Variants in RNF7 observed in about 807,000 individuals in gnomAD.
The protein encoded by RNF7 is RING-box protein 2.
In RNF7, 9 loss-of-function variants were observed where a neutral mutation model predicts 17.0. That is an observed-to-expected ratio of 0.53 (90% CI 0.32 to 0.92). RNF7 has a LOEUF of 0.92. RNF7 is among the 40% of genes least tolerant of loss of function. The pLI, the probability that RNF7 is intolerant of heterozygous loss-of-function variation, is 0.04. For missense variants in RNF7, 87 were observed against 145.8 expected (o/e 0.60, Z 2.08); for synonymous variants, 59 against 50.5 (o/e 1.17, Z -0.72).
In RNF7 at chr3:141,746,580, A is replaced by C. The variant is rs1334907550; in HGVS notation, c.*1303A>C. 6.6e-6 allele frequency: 1 copy of C among 152,170 alleles called. No individual in the cohort carries two copies. Among genetic ancestry groups the C allele is most frequent in the East Asian group, 1.9e-4 (1 of 5,194 alleles). The allele number at this position is 152,170 out of a possible 1,614,324, so 9.4% of individuals were successfully genotyped here. A position where few individuals can be genotyped will look rare whatever the true frequency, so the allele number is the denominator to read the frequency against. Reference sequence around the variant, plus strand: ...AACTTTATCAAACTGATTCACACTGAGGGGAGGTTATTTTGTAACAAATAA... The same window carrying C: ...AACTTTATCAAACTGATTCACACTGCGGGGAGGTTATTTTGTAACAAATAA... On this transcript the variant is annotated 3_prime_UTR_variant, in exon 3 of 3. Transcript: ENST00000273480.
At position 141,738,631 on chromosome 3, in the gene RNF7, G is replaced by C. The variant is rs988094331; in HGVS notation, c.175+115G>C. On this transcript the variant is annotated intron_variant, in intron 1 of 2. Transcript: ENST00000273480. Reference sequence around the variant, plus strand: ...CGGAAAGTGCCCTGCCTGGGAGAGTGGGTGGAGGTCGCCCTGCCCCGGCGC... The same window carrying C: ...CGGAAAGTGCCCTGCCTGGGAGAGTCGGTGGAGGTCGCCCTGCCCCGGCGC... 4.4e-5 allele frequency: 50 copies of C among 1,127,132 alleles called. No individual in the cohort carries two copies. In the East Asian group the frequency reaches 1.4e-3, roughly 32 times the overall value. The allele number at this position is 1,127,132 out of a possible 1,614,324, so 69.8% of individuals were successfully genotyped here. A position where few individuals can be genotyped will look rare whatever the true frequency, so the allele number is the denominator to read the frequency against.
At chr3:141,742,428 A>C (rs998366749) in intron 1 of RNF7, among the ~76,000 whole-genome samples, 2 of 151,212 alleles carry the variant, frequency 1.3e-5, no homozygotes, top group African/African-American at 4.9e-5. Context: ...GGGTTTCACC[A>C]TGTTAGCCAG....
rs192030940 is a variant in RNF7, at chr3:141,742,160, C to G, written c.176-1349C>G. ...TCCACCTTCCACCCTCCAAAAGGCC[C>G]CAGTGTGTGTTGTTCCCTGCTATGT... On this transcript the variant is annotated intron_variant, in intron 1 of 2. Coordinates refer to ENST00000273480, the MANE Select transcript of RNF7 (RefSeq NM_014245.5). Among the ~76,000 whole-genome samples, 444 of 151,956 alleles carry G rather than the reference C, an allele frequency of 2.9e-3. 2 individuals are homozygous for G. The highest frequency in any genetic ancestry group is 0.01 in the African/African-American group (422 of 41,446).
intron 1 of RNF7, among the ~76,000 whole-genome samples, chr3:141,741,986 CT>C (rs535821532): frequency 1.4e-4 from 21 of 147,032 alleles, no homozygotes; most frequent in Non-Finnish European, 9.0e-5. Flanking sequence ...TTCTTTCTTT[CT>C]TTTTTTTTTT....
chr3:141,742,827 T>G, intron 1 of RNF7: 2 of 1,175,900 alleles, frequency 1.7e-6, no homozygotes, highest in South Asian at 3.2e-5. Context: ...AGCAGTTTAT[T>G]TTAGAGGAAC....
At chr3:141,744,217 A>G (rs979554899) in intron 2 of RNF7, among the ~76,000 whole-genome samples, 1 of 152,198 alleles carries the variant, frequency 6.6e-6, no homozygotes, top group African/African-American at 2.4e-5. Flanking sequence ...TGGTGTACAT[A>G]GAACTTCTTA....
At chr3:141,740,961 C>T (rs1311820600) in intron 1 of RNF7, among the ~76,000 whole-genome samples, 1 of 152,184 alleles carries the variant, frequency 6.6e-6, no homozygotes, top group Admixed American at 6.5e-5. Flanking sequence ...GGATAACACT[C>T]TCTTCGTTTC....
chr3:141,738,605 T>C, intron 1 of RNF7, 89 bp downstream of exon 1: 2 of 1,356,704 alleles, frequency 1.5e-6, no homozygotes, highest in Non-Finnish European at 2.0e-6. Context: ...GTCAGAAGCC[T>C]CGGAAAGTGC....
In RNF7 at chr3:141,745,358, A is replaced by G. The variant is rs569277536; in HGVS notation, c.*81A>G. The G allele has an allele frequency of 2.1e-5, 17 of 813,700 alleles. No homozygotes were observed. The African/African-American group carries it at 2.9e-4, about 14-fold the overall frequency. The allele number at this position is 813,700 out of a possible 1,614,324, so 50.4% of individuals were successfully genotyped here. A position where few individuals can be genotyped will look rare whatever the true frequency, so the allele number is the denominator to read the frequency against. Reference sequence around the variant, plus strand: ...TCCAGTGCCCTACAAAGGCTAGAACACTACAGGGGATGAATTCTTCAAATA... The same window carrying G: ...TCCAGTGCCCTACAAAGGCTAGAACGCTACAGGGGATGAATTCTTCAAATA... On this transcript the variant is annotated 3_prime_UTR_variant, in exon 3 of 3. Coordinates refer to ENST00000273480, the MANE Select transcript of RNF7 (RefSeq NM_014245.5).
intron 1 of RNF7, among the ~76,000 whole-genome samples, chr3:141,740,126 A>G (rs75171144): frequency 0.15 from 22,947 of 151,362 alleles, 1,913 homozygotes; most frequent in African/African-American, 0.2. Flanking sequence ...TAGGAATCAT[A>G]ATTTCTAGTT....
rs959059545 is a variant in RNF7 at position 141,746,076 on chromosome 3, A to C, written c.*799A>C. 6.6e-6 allele frequency: 1 copy of C among 151,332 alleles called. No individual in the cohort carries two copies. The highest frequency in any genetic ancestry group is 1.5e-5 in the Non-Finnish European group (1 of 67,986). 9.4% of individuals were successfully genotyped at this position (151,332 alleles called of 1,614,324 possible). A position where few individuals can be genotyped will look rare whatever the true frequency, so the allele number is the denominator to read the frequency against. On this transcript the variant is annotated 3_prime_UTR_variant, in exon 3 of 3. Coordinates refer to ENST00000273480, the MANE Select transcript of RNF7 (RefSeq NM_014245.5). ...ACTGCAACCTCCGCCTCCCGGGTTC[A>C]AGTGATTCTCCTGCCTCAGCCTCCC...
intron 1 of RNF7, among the ~76,000 whole-genome samples, chr3:141,742,346 C>T (rs2084428141): frequency 6.6e-6 from 1 of 151,630 alleles, no homozygotes; most frequent in Non-Finnish European, 1.5e-5. Context: ...CCTGCCTCAG[C>T]CTCCCGAGTA....
chr3:141,745,357 C>A lies in RNF7; in HGVS notation c.*80C>A. 1 of 871,252 alleles carries A rather than the reference C, an allele frequency of 1.1e-6. No homozygotes were observed. Among genetic ancestry groups the A allele is most frequent in the Non-Finnish European group, 1.9e-6 (1 of 533,934 alleles). 54.0% of individuals were successfully genotyped at this position (871,252 alleles called of 1,614,324 possible). ...ATCCAGTGCCCTACAAAGGCTAGAA[C>A]ACTACAGGGGATGAATTCTTCAAAT... On this transcript the variant is annotated 3_prime_UTR_variant, in exon 3 of 3. Transcript: ENST00000273480.
At position 141,738,509 on chromosome 3, in the gene RNF7, G is replaced by A; in HGVS notation, c.168G>A (p.Gln56=). The A allele has an allele frequency of 6.2e-7, 1 of 1,612,920 alleles. No homozygotes were observed. Residue 56 remains glutamine (Q), a synonymous_variant, in exon 1 of 3, where the codon CAG becomes CAA. Coordinates refer to ENST00000273480, the MANE Select transcript of RNF7 (RefSeq NM_014245.5). The stretch of plus-strand genomic sequence containing the variant: ...ATACGTGCGCCATCTGCAGGGTCCA[G>A]GTGATGGGTAAGCGCTGCACGCGAG... ...ECDTCAICRV[Q]VMDACLRCQA...
intron 2 of RNF7, among the ~76,000 whole-genome samples, chr3:141,744,027 A>C (rs1252451802): frequency 6.6e-6 from 1 of 152,194 alleles, no homozygotes; most frequent in African/African-American, 2.4e-5. Context: ...TTTTCTTTAG[A>C]GTCTTAGACT....
chr3:141,739,172 A>G (rs2084389539), intron 1 of RNF7, among the ~76,000 whole-genome samples: 1 of 152,168 alleles, frequency 6.6e-6, no homozygotes, highest in South Asian at 2.1e-4. Flanking sequence ...GTGGTTCAAG[A>G]ATATCTAAGT....
rs746306815 is a variant in RNF7 at position 141,738,337 on chromosome 3, C to T, written c.-5C>T. On this transcript the variant is annotated 5_prime_UTR_variant, in exon 1 of 3. Transcript: ENST00000273480. ...CGTCTCCGCCGTCGGCTCCGCGGCG[C>T]CGCCATGGCCGACGTGGAAGACGGA... 9 of 1,559,914 alleles carry T rather than the reference C, an allele frequency of 5.8e-6. No individual in the cohort carries two copies. In the South Asian group the frequency reaches 9.4e-5, roughly 16 times the overall value.
chr3:141,742,110 C>T (rs1010411966), intron 1 of RNF7, among the ~76,000 whole-genome samples: 1 of 151,620 alleles, frequency 6.6e-6, no homozygotes, highest in Non-Finnish European at 1.5e-5. Context: ...AGCCTAGTAC[C>T]CATTAGTTAT....
rs1370540675 is a variant in RNF7, at chr3:141,745,954, G to C, written c.*677G>C. The C allele has an allele frequency of 1.3e-5, 2 of 151,280 alleles. No homozygotes were observed. Among genetic ancestry groups the C allele is most frequent in the Non-Finnish European group, 2.9e-5 (2 of 67,904 alleles). The allele number at this position is 151,280 out of a possible 1,614,324, so 9.4% of individuals were successfully genotyped here. On this transcript the variant is annotated 3_prime_UTR_variant, in exon 3 of 3. Coordinates refer to ENST00000273480, the MANE Select transcript of RNF7 (RefSeq NM_014245.5). ...TGGTAAAGGACAGAAGTATTTTCTA[G>C]TTCTGGTCAGATGATATAATTTTTT...
Sources: gnomAD v4.1 joint callset for allele counts (sites outside exome capture counted in the v4.1 genomes callset) on GRCh38, gnomAD v4.1.1 for gene constraint, MANE v1.5 for transcripts, NCBI Gene and HGNC (gene_info 2026-07-23, HGNC 2026-07-21) for gene names.